SLC12A7: variants seen among roughly 807,000 people sequenced by gnomAD.
The protein encoded by SLC12A7 is solute carrier family 12 member 7, also known as K-Cl cotransporter 4.
Under a neutral mutation model 120.6 loss-of-function variants are expected in SLC12A7, and 100 were observed. That is an observed-to-expected ratio of 0.83 (90% confidence interval 0.71 to 0.98). The LOEUF (loss-of-function observed/expected upper bound fraction) is 0.98. Ranked by LOEUF, SLC12A7 falls within the 50% of genes least tolerant of loss-of-function variation. The pLI, the probability that SLC12A7 is intolerant of heterozygous loss-of-function variation, is 0.00. For synonymous variants in SLC12A7, 760 were observed against 678.0 expected (o/e 1.12, Z -1.88); for missense variants, 1,373 against 1,548.1 (o/e 0.89, Z 1.90).
intron 13 of SLC12A7, 37 bp downstream of exon 13, chr5:1,076,657 A>T (rs768324615): frequency 2.0e-6 from 3 of 1,516,140 alleles, no homozygotes; most frequent in Non-Finnish European, 2.7e-6. Context: ...CCAGGCCCAT[A>T]CACCCATCCC....
chr5:1,060,977 GTC>G (rs1352384304), intron 20 of SLC12A7, among the ~76,000 whole-genome samples: 3 of 151,958 alleles, frequency 2.0e-5, no homozygotes, highest in Admixed American at 2.0e-4. Context: ...GGACTGCTGC[GTC>G]TCACCCACTG....
At chr5:1,102,850 G>T (rs1039764965) in intron 1 of SLC12A7, among the ~76,000 whole-genome samples, 1 of 152,146 alleles carries the variant, frequency 6.6e-6, no homozygotes. Flanking sequence ...GGGACAGCCC[G>T]AGACTGAATG....
chr5:1,092,817 G>C (rs1395752101), intron 3 of SLC12A7, among the ~76,000 whole-genome samples: 1 of 152,070 alleles, frequency 6.6e-6, no homozygotes, highest in African/African-American at 2.4e-5. Flanking sequence ...AGAAGAAACT[G>C]AGCCACCCGC....
At chr5:1,109,895 C>G (rs757203275) in intron 1 of SLC12A7, among the ~76,000 whole-genome samples, 3 of 152,262 alleles carry the variant, frequency 2.0e-5, no homozygotes, top group South Asian at 4.1e-4. Context: ...GTGCTGGTAA[C>G]TCTGTGGCCG....
intron 17 of SLC12A7, among the ~76,000 whole-genome samples, chr5:1,073,254 ATGCAGCCCCCAGTGAGCCCCCAGC>A (rs1561055152): frequency 1.6e-4 from 16 of 98,888 alleles, no homozygotes; most frequent in South Asian, 4.7e-4. Flanking sequence ...CATCACACTT[ATGCAGCCCCCAGTGAGCCCCCAGC>A]ACACGGGCAT....
chr5:1,153,654 G>A, the SLC12A7 span, among the ~76,000 whole-genome samples: 7 of 152,136 alleles, frequency 4.6e-5, no homozygotes, highest in East Asian at 3.9e-4. Flanking sequence ...CATTTCCCCC[G>A]GAACAAACAA....
At chr5:1,108,979 G>A (rs1462913332) in intron 1 of SLC12A7, among the ~76,000 whole-genome samples, 2 of 152,204 alleles carry the variant, frequency 1.3e-5, no homozygotes, top group Admixed American at 6.5e-5. Flanking sequence ...AACCCAAAGA[G>A]GGAAGTGGCG....
intron 13 of SLC12A7, 152 bp from the exon 14 acceptor site, chr5:1,076,388 T>G (rs1738339367): frequency 3.8e-6 from 1 of 264,272 alleles, no homozygotes; most frequent in Non-Finnish European, 6.0e-6. Context: ...TCAGACTGAT[T>G]CCGAATCAGG....
chr5:1,064,211 C>A lies in SLC12A7; in HGVS notation c.2479G>T (p.Val827Leu). Reference protein sequence around the residue: ...DTTAAHQALLVAKNVDSFPQN... With the variant: ...DTTAAHQALLLAKNVDSFPQN... Reference sequence around the variant, plus strand: ...GGAAACGAGTCGACGTTCTTGGCCACCAGCAGAGCCTGGTGCGCGGCGGTG... The same window carrying A: ...GGAAACGAGTCGACGTTCTTGGCCAACAGCAGAGCCTGGTGCGCGGCGGTG... Residue 827 changes from valine (V) to leucine (L), a missense_variant, in exon 19 of 24, where the codon GTG (valine) becomes TTG (leucine). Coordinates refer to ENST00000264930, the MANE Select transcript of SLC12A7 (RefSeq NM_006598.3). 2.5e-6 allele frequency: 4 copies of A among 1,612,282 alleles called. 1 individual carries two copies. The highest frequency in any genetic ancestry group is 3.4e-6 in the Non-Finnish European group (4 of 1,179,644).
chr5:1,141,451 GCCATGGGCACCAGAGCC>G, the SLC12A7 span, among the ~76,000 whole-genome samples: 1 of 49,262 alleles, frequency 2.0e-5, no homozygotes, highest in Non-Finnish European at 6.1e-5. Flanking sequence ...CACCACAGCC[GCCATGGGCACCAGAGCC>G]GCCACGGGCA....
At chr5:1,145,847 T>A in the SLC12A7 span, among the ~76,000 whole-genome samples, 1 of 152,066 alleles carries the variant, frequency 6.6e-6, no homozygotes, top group Non-Finnish European at 1.5e-5. This position sits in a 1 kb window ranked among gnomAD's most constrained non-coding sequence, Gnocchi z 4.4. Context: ...CTTTTTGGTA[T>A]TTTTTGTATT....
At chr5:1,138,174 T>C in the SLC12A7 span, among the ~76,000 whole-genome samples, 3 of 148,580 alleles carry the variant, frequency 2.0e-5, no homozygotes, top group Non-Finnish European at 4.4e-5. Context: ...AGCAGCAAGA[T>C]TTATTGCAAA....
chr5:1,145,639 C>G, the SLC12A7 span, among the ~76,000 whole-genome samples: 2 of 151,842 alleles, frequency 1.3e-5, no homozygotes, highest in Non-Finnish European at 2.9e-5. The surrounding 1 kb of genome is among the most constrained non-coding windows in gnomAD (Gnocchi z 4.4). Flanking sequence ...GAAAGAGCAC[C>G]TTGCAGAGAG....
At chr5:1,083,064 C>T (rs919498685) in intron 8 of SLC12A7, among the ~76,000 whole-genome samples, 66 of 150,690 alleles carry the variant, frequency 4.4e-4, no homozygotes, top group African/African-American at 1.5e-3. Context: ...CCAGGCTTCC[C>T]GTCTTGGGTT....
chr5:1,120,752 T>C, the SLC12A7 span, among the ~76,000 whole-genome samples: 1 of 152,184 alleles, frequency 6.6e-6, no homozygotes, highest in Admixed American at 6.5e-5. Flanking sequence ...CCAGGGATGA[T>C]CTCGCACGTG....
intron 18 of SLC12A7, among the ~76,000 whole-genome samples, chr5:1,064,628 A>G (rs1037172683): frequency 1.2e-4 from 19 of 152,052 alleles, no homozygotes; most frequent in Non-Finnish European, 2.1e-4. Context: ...TTGAGGGGAC[A>G]GCGAGGAGAC....
chr5:1,130,032 A>G, the SLC12A7 span, among the ~76,000 whole-genome samples: 1 of 152,160 alleles, frequency 6.6e-6, no homozygotes, highest in African/African-American at 2.4e-5. Flanking sequence ...GGAAGTTTAG[A>G]TACCCAAGAA....
chr5:1,057,441 T>TCCC (rs745526990), intron 22 of SLC12A7, 30 bp downstream of exon 22: 3 of 1,583,032 alleles, frequency 1.9e-6, no homozygotes, highest in Admixed American at 3.5e-5. Context: ...CAGGATCTGT[T>TCCC]CCCCCCAGGC....
Position 1,063,927 on chromosome 5 carries a change from C to T in SLC12A7, c.2656G>A (p.Asp886Asn), listed in dbSNP as rs762100587. The change falls in exon 20 of 24, where the codon GAC becomes AAC. Residue 886 changes from aspartate to asparagine, a missense_variant. Transcript: ENST00000264930. ...MRIFTVAQVD[D>N]NSIQMKKDLQ... The stretch of plus-strand genomic sequence containing the variant: ...TCCTTCTTCATCTGGATGCTGTTGT[C>T]GTCCACCTGGGCCACGGTGAAGATA... The T allele has an allele frequency of 1.2e-6, 2 of 1,612,608 alleles. No individual in the cohort carries two copies. The highest frequency in any genetic ancestry group is 1.7e-6 in the Non-Finnish European group (2 of 1,179,834).
Sources: allele counts gnomAD v4.1 joint callset (sites outside exome capture counted in the v4.1 genomes callset), GRCh38; gene constraint gnomAD v4.1.1; non-coding constraint Gnocchi (gnomAD v3.1); transcripts MANE v1.5; gene names NCBI Gene and HGNC (gene_info 2026-07-23, HGNC 2026-07-21).